The following ANO3 variants were observed in gnomAD, a reference collection of about 807,000 sequenced individuals.
ANO3 encodes anoctamin-3.
In ANO3, 99 loss-of-function variants were observed where a neutral mutation model predicts 144.8. The ratio of observed to expected loss-of-function variants is 0.68; its 90% confidence interval spans 0.58 to 0.81. The LOEUF is 0.81. Among genes scored for constraint, ANO3 ranks in the 30% least tolerant of loss-of-function variants. The pLI is 0.00. For missense variants in ANO3, 905 were observed against 1,202.2 expected, an observed-to-expected ratio of 0.75 and a Z score of 3.66; for synonymous variants, 414 against 392.6, an observed-to-expected ratio of 1.05 and a Z score of -0.64.
rs975325545 is a variant in ANO3, at chr11:26,515,943, C to T, written c.592-884C>T. On this transcript the variant is annotated intron_variant, in intron 5 of 26. Transcript: ENST00000256737. ...ATATTGTAGGAACTTCAGGGAATAACTGTGTTGGCTTTCTTTCAAAGCAGG... is the reference window on the plus strand; with the variant it reads ...ATATTGTAGGAACTTCAGGGAATAATTGTGTTGGCTTTCTTTCAAAGCAGG... Among the ~76,000 whole-genome samples, 11 of 151,912 alleles carry T rather than the reference C, an allele frequency of 7.2e-5. No individual in the cohort carries two copies. In the South Asian group the frequency reaches 1.0e-3, roughly 14 times the overall value.
chr11:26,538,832 A>G (rs749962191), intron 10 of ANO3, among the ~76,000 whole-genome samples: 8 of 152,230 alleles, frequency 5.3e-5, no homozygotes, highest in East Asian at 1.9e-4. Flanking sequence ...TAGAAGGTCA[A>G]TAAAATGGGC....
intron 1 of ANO3, among the ~76,000 whole-genome samples, chr11:26,412,842 T>C (rs185116777): frequency 3.4e-4 from 25 of 74,130 alleles, no homozygotes; most frequent in Admixed American, 6.3e-4. Flanking sequence ...GTATGCATTA[T>C]TGGGTAAAGT....
At chr11:26,427,792 G>A (rs1375295490) in intron 1 of ANO3, among the ~76,000 whole-genome samples, 1 of 152,092 alleles carries the variant, frequency 6.6e-6, no homozygotes. Flanking sequence ...GGTTGGGGAG[G>A]CCTCAGGAAA....
intron 3 of ANO3, among the ~76,000 whole-genome samples, chr11:26,453,775 AC>A (rs1472629029): frequency 6.6e-6 from 1 of 152,230 alleles, no homozygotes; most frequent in Non-Finnish European, 1.5e-5. Context: ...AACAAAATTT[AC>A]ATTTTTTTCA....
chr11:26,596,382 A>G (rs368716715), intron 14 of ANO3, among the ~76,000 whole-genome samples: 1 of 152,196 alleles, frequency 6.6e-6, no homozygotes, highest in East Asian at 1.9e-4. Context: ...AATTTACTCA[A>G]TTCATTTTCA....
intron 9 of ANO3, among the ~76,000 whole-genome samples, chr11:26,535,816 C>T (rs1260266877): frequency 1.3e-5 from 2 of 151,428 alleles, no homozygotes; most frequent in Non-Finnish European, 2.9e-5. Context: ...ATCTCCTGAC[C>T]TGGTGATCTG....
intron 1 of ANO3, among the ~76,000 whole-genome samples, chr11:26,203,543 C>T (rs1461013687): frequency 6.6e-6 from 1 of 152,030 alleles, no homozygotes; most frequent in Non-Finnish European, 1.5e-5. Context: ...GGCAAAGGGG[C>T]TTGGGCTATA....
chr11:26,538,984 T>G (rs1386259592), intron 10 of ANO3, among the ~76,000 whole-genome samples: 9 of 152,152 alleles, frequency 5.9e-5, no homozygotes, highest in Admixed American at 5.9e-4. Context: ...TTCCTTTTCC[T>G]TAATGCAGGA....
chr11:26,565,533 C>T (rs779745257), intron 14 of ANO3: 1 of 1,613,278 alleles, frequency 6.2e-7, no homozygotes. Context: ...CAAGGGAGGG[C>T]TTGTGGAAAT....
intron 4 of ANO3, among the ~76,000 whole-genome samples, chr11:26,502,574 G>A (rs1455756925): frequency 6.6e-6 from 1 of 152,040 alleles, no homozygotes. Context: ...ATAAAGACTG[G>A]CTGTGGTAAA....
At chr11:26,336,255 C>T (rs1487300099) in intron 1 of ANO3, among the ~76,000 whole-genome samples, 2 of 152,282 alleles carry the variant, frequency 1.3e-5, no homozygotes, top group Middle Eastern at 3.4e-3. Flanking sequence ...CTGGTGGCTG[C>T]TCTTTACCAA....
intron 1 of ANO3, among the ~76,000 whole-genome samples, chr11:26,297,030 A>T (rs1854106895): frequency 6.6e-6 from 1 of 152,172 alleles, no homozygotes; most frequent in East Asian, 1.9e-4. Context: ...CTCATTTCAT[A>T]TTGGATAACT....
At chr11:26,457,522 G>A (rs533618824) in intron 3 of ANO3, among the ~76,000 whole-genome samples, 14 of 152,042 alleles carry the variant, frequency 9.2e-5, no homozygotes, top group Non-Finnish European at 2.1e-4. Context: ...GCAAACAAAA[G>A]GAAGAAAATA....
chr11:26,239,862 CTACT>C (rs1325631307), intron 1 of ANO3, among the ~76,000 whole-genome samples: 4 of 152,174 alleles, frequency 2.6e-5, no homozygotes, highest in African/African-American at 9.7e-5. Flanking sequence ...GATTTTTACT[CTACT>C]TGAGTTTTCA....
At chr11:26,385,667 C>T (rs934415463) in intron 1 of ANO3, among the ~76,000 whole-genome samples, 2 of 151,952 alleles carry the variant, frequency 1.3e-5, no homozygotes, top group African/African-American at 2.4e-5. Flanking sequence ...TTACACTGGG[C>T]CTATCGGGGT....
chr11:26,396,874 A>G (rs1392815060), intron 1 of ANO3, among the ~76,000 whole-genome samples: 1 of 151,940 alleles, frequency 6.6e-6, no homozygotes, highest in Non-Finnish European at 1.5e-5. Flanking sequence ...GCAAACCACT[A>G]TGGCACATGT....
intron 1 of ANO3, among the ~76,000 whole-genome samples, chr11:26,258,470 C>T (rs11029442): frequency 0.019 from 2,830 of 152,138 alleles, 72 homozygotes; most frequent in East Asian, 0.12. Context: ...TTTCTGAAAA[C>T]GAAATTGGAG....
intron 1 of ANO3, among the ~76,000 whole-genome samples, chr11:26,394,428 T>C (rs1175536632): frequency 6.6e-6 from 1 of 152,040 alleles, no homozygotes; most frequent in Non-Finnish European, 1.5e-5. Flanking sequence ...GCGGCTAGGA[T>C]GCTATTAATG....
intron 18 of ANO3, among the ~76,000 whole-genome samples, chr11:26,630,253 T>A (rs1177974520): frequency 6.6e-6 from 1 of 152,222 alleles, no homozygotes; most frequent in Non-Finnish European, 1.5e-5. Flanking sequence ...TAATTAATTG[T>A]AAAAACCAGA....
Sources: gnomAD v4.1 joint callset for allele counts (sites outside exome capture counted in the v4.1 genomes callset) on GRCh38, gnomAD v4.1.1 for gene constraint, MANE v1.5 for transcripts, NCBI Gene and HGNC (gene_info 2026-07-23, HGNC 2026-07-21) for gene names.